Variants in PAK1 observed in about 807,000 individuals in gnomAD.
PAK1 encodes serine/threonine-protein kinase PAK 1.
Under a neutral mutation model 67.4 loss-of-function variants are expected in PAK1, and 29 were observed. The observed-to-expected ratio is 0.43, with a 90% confidence interval of 0.32 to 0.59. The LOEUF (loss-of-function observed/expected upper bound fraction) is 0.59, where lower values mean the gene tolerates loss of function less well. PAK1 is among the 20% of genes least tolerant of loss of function. The pLI, the probability that PAK1 is intolerant of heterozygous loss-of-function variation, is 0.07. For missense variants in PAK1, 337 were observed against 670.7 expected (o/e 0.50, Z 5.50); for synonymous variants, 223 against 237.4 (o/e 0.94, Z 0.56).
At chr11:77,464,839 A>G (rs114126481) in intron 1 of PAK1, among the ~76,000 whole-genome samples, 124 of 152,350 alleles carry the variant, frequency 8.1e-4, no homozygotes, top group African/African-American at 2.9e-3. Context: ...AATTTATTCA[A>G]TACTGCACTG....
the PAK1 span, chr11:77,514,956 C>G: frequency 6.6e-6 from 1 of 152,182 alleles, no homozygotes; most frequent in Admixed American, 6.5e-5. Flanking sequence ...CATAGTTGAG[C>G]TGGATCCTGG....
At chr11:77,401,838 A>G (rs181277164) in intron 1 of PAK1, among the ~76,000 whole-genome samples, 1 of 152,330 alleles carries the variant, frequency 6.6e-6, no homozygotes, top group East Asian at 1.9e-4. Context: ...TCCAAACTTC[A>G]TTATATCAAC....
At chr11:77,490,206 C>T in the PAK1 span, among the ~76,000 whole-genome samples, 1 of 151,580 alleles carries the variant, frequency 6.6e-6, no homozygotes, top group African/African-American at 2.4e-5. Context: ...TGAGGAGCCC[C>T]TCCGCCCAGC....
intron 4 of PAK1, among the ~76,000 whole-genome samples, chr11:77,376,212 C>G (rs1032876402): frequency 2.6e-5 from 4 of 152,118 alleles, no homozygotes; most frequent in Non-Finnish European, 5.9e-5. Flanking sequence ...TAAGTAAACA[C>G]TCCCTTTAAA....
At chr11:77,527,439 G>A in the PAK1 span, among the ~76,000 whole-genome samples, 23 of 152,286 alleles carry the variant, frequency 1.5e-4, no homozygotes, top group Non-Finnish European at 2.9e-4. Context: ...TTTTGTGCCA[G>A]GCACATGATA....
At chr11:77,472,002 C>G (rs546895583) in intron 1 of PAK1, among the ~76,000 whole-genome samples, 3 of 152,244 alleles carry the variant, frequency 2.0e-5, no homozygotes, top group East Asian at 3.9e-4. Flanking sequence ...CAACTGGAGT[C>G]CCCCAGAGAT....
At chr11:77,468,589 G>T (rs1182738912) in intron 1 of PAK1, among the ~76,000 whole-genome samples, 1 of 152,138 alleles carries the variant, frequency 6.6e-6, no homozygotes, top group African/African-American at 2.4e-5. Context: ...TCAGTAAAGA[G>T]GTATTATCTT....
chr11:77,423,437 A>ACACACC (rs965451450), intron 1 of PAK1, among the ~76,000 whole-genome samples: 1 of 150,330 alleles, frequency 6.7e-6, no homozygotes, highest in African/African-American at 2.5e-5. Flanking sequence ...ACACACACAC[A>ACACACC]CACACCCCTT....
intron 11 of PAK1, among the ~76,000 whole-genome samples, chr11:77,339,831 T>C (rs935121938): frequency 6.6e-6 from 1 of 152,052 alleles, no homozygotes; most frequent in Non-Finnish European, 1.5e-5. Context: ...TTGGTATTTT[T>C]TTTTTTTTAA....
the PAK1 span, among the ~76,000 whole-genome samples, chr11:77,509,652 C>T: frequency 1.3e-5 from 2 of 152,120 alleles, no homozygotes; most frequent in African/African-American, 2.4e-5. Flanking sequence ...TGGTTCATGG[C>T]GGGTGGATCC....
At chr11:77,330,733 TTCA>T (rs1343925817) in intron 14 of PAK1, among the ~76,000 whole-genome samples, 9 of 152,152 alleles carry the variant, frequency 5.9e-5, no homozygotes, top group Non-Finnish European at 1.2e-4. Flanking sequence ...GGGCAAGGAC[TTCA>T]TGTCTAAAAC....
chr11:77,465,842 C>G (rs911911638), intron 1 of PAK1, among the ~76,000 whole-genome samples: 1 of 152,002 alleles, frequency 6.6e-6, no homozygotes, highest in African/African-American at 2.4e-5. Flanking sequence ...CCCAGCTACT[C>G]GGAGACTAAA....
intron 4 of PAK1, among the ~76,000 whole-genome samples, chr11:77,378,371 T>C (rs115104678): frequency 0.011 from 1,709 of 152,232 alleles, 32 homozygotes; most frequent in African/African-American, 0.039. Context: ...AAAAATATAG[T>C]CCCTTCTACC....
intron 9 of PAK1, 118 bp from the exon 10 acceptor site, chr11:77,344,049 C>G (rs1944037397): frequency 2.9e-6 from 2 of 690,398 alleles, no homozygotes; most frequent in Non-Finnish European, 5.2e-6. Context: ...AGTCTTAGCC[C>G]TCGAGTAATT....
intron 1 of PAK1, among the ~76,000 whole-genome samples, chr11:77,407,621 A>G (rs1429625824): frequency 6.6e-6 from 1 of 152,202 alleles, no homozygotes; most frequent in Non-Finnish European, 1.5e-5. Flanking sequence ...TCTGATCCTC[A>G]CCAACCCTAT....
At chr11:77,345,824 G>C (rs1944330405) in intron 9 of PAK1, among the ~76,000 whole-genome samples, 1 of 152,160 alleles carries the variant, frequency 6.6e-6, no homozygotes, top group Admixed American at 6.6e-5. Flanking sequence ...TTAAGGACTG[G>C]AGCCAGAAGA....
the PAK1 span, among the ~76,000 whole-genome samples, chr11:77,507,374 T>C: frequency 6.6e-6 from 1 of 152,210 alleles, no homozygotes; most frequent in African/African-American, 2.4e-5. Context: ...ACTCAGATTT[T>C]GAAGGTAAAA....
chr11:77,525,341 G>A, the PAK1 span, among the ~76,000 whole-genome samples: 6 of 151,498 alleles, frequency 4.0e-5, no homozygotes, highest in East Asian at 1.2e-3. Context: ...AAAAAAAAAA[G>A]GAAAAAAAGT....
chr11:77,344,865 C>T (rs1225409559), intron 9 of PAK1, among the ~76,000 whole-genome samples: 1 of 152,172 alleles, frequency 6.6e-6, no homozygotes, highest in African/African-American at 2.4e-5. Context: ...ATTCAAAGTT[C>T]TCATGATCTG....
Sources: allele counts gnomAD v4.1 joint callset (sites outside exome capture counted in the v4.1 genomes callset), GRCh38; gene constraint gnomAD v4.1.1; transcripts MANE v1.5; gene names NCBI Gene and HGNC (gene_info 2026-07-23, HGNC 2026-07-21).